PLCB2: variants seen among roughly 807,000 people sequenced by gnomAD.
PLCB2 encodes phospholipase C beta 2, also known as 1-phosphatidylinositol 4,5-bisphosphate phosphodiesterase beta-2.
A neutral mutation model predicts 141.7 loss-of-function variants in PLCB2; 115 were observed. The observed-to-expected ratio is 0.81, with a 90% CI of 0.70 to 0.95. PLCB2 has a LOEUF of 0.95. Ranked by LOEUF, PLCB2 falls within the 40% of genes least tolerant of loss-of-function variation. PLCB2 has a pLI of 0.00. For synonymous variants in PLCB2, 603 were observed against 595.6 expected (o/e 1.01, Z -0.18); for missense variants, 1,403 against 1,541.1 (o/e 0.91, Z 1.50).
intron 7 of PLCB2, 59 bp downstream of exon 7, chr15:40,301,898 G>A: frequency 6.7e-7 from 1 of 1,500,656 alleles, no homozygotes; most frequent in South Asian, 1.1e-5. Flanking sequence ...TCCTGGCCAA[G>A]TTGCTTTCTG....
chr15:40,295,166 G>T, intron 17 of PLCB2, 35 bp downstream of exon 17: 1 of 1,610,180 alleles, frequency 6.2e-7, no homozygotes, highest in South Asian at 1.1e-5. Flanking sequence ...CCCCACCCAA[G>T]CCAAGGACCC....
intron 8 of PLCB2, 28 bp from the exon 9 acceptor site, chr15:40,298,992 C>A: frequency 6.3e-7 from 1 of 1,598,136 alleles, no homozygotes; most frequent in Non-Finnish European, 8.5e-7. Flanking sequence ...GAGCACAGGT[C>A]CATATCCCTT....
chr15:40,297,922 G>A lies in PLCB2; in HGVS notation c.1193C>T (p.Thr398Ile), dbSNP rs1477860955. 3.1e-6 allele frequency: 5 copies of A among 1,613,686 alleles called. No individual in the cohort carries two copies. The South Asian group carries it at 5.5e-5, about 18-fold the overall frequency. ...IEAIAESAFKTSPYPIILSFE... is the reference protein window; with the variant it reads ...IEAIAESAFKISPYPIILSFE... ...CGACAGGATGATGGGATAGGGGGAG[G>A]TCTTAAAGGCGCTTTCTGCAATAGC... The change falls in exon 12 of 32, where the codon ACC becomes ATC. Residue 398 changes from threonine to isoleucine, a missense_variant. By Grantham distance (89) the Thr-to-Ile change is moderately conservative (BLOSUM62 -1). Around this residue, in one of 4 missense-constraint regions of PLCB2, gnomAD observed 975 missense variants for 1,141.1 expected, o/e 0.85. Transcript: ENST00000260402. This position sits in a 1 kb window ranked among gnomAD's most constrained non-coding sequence, Gnocchi z 4.2.
intron 4 of PLCB2, 48 bp downstream of exon 4, chr15:40,302,421 C>G (rs750929186): frequency 1.2e-6 from 2 of 1,613,046 alleles, no homozygotes; most frequent in Non-Finnish European, 1.7e-6. Flanking sequence ...TCAGGAAGTC[C>G]AGGCTATCCC....
At position 40,296,291 on chromosome 15, in the gene PLCB2, C is replaced by T. The variant is rs773360078; in HGVS notation, c.1696+5G>A. On this transcript the variant is annotated splice_donor_5th_base_variant and intron_variant, in intron 16 of 31. Coordinates refer to ENST00000260402, the MANE Select transcript of PLCB2 (RefSeq NM_004573.3). ...CCCACCCGTAAGTTACTCATGCTAA[C>T]TTACGGGCAGAGAACTCAAAGGAGA... is the stretch of plus-strand genomic sequence containing the variant. The T allele has an allele frequency of 1.2e-5, 19 of 1,610,670 alleles. No individual in the cohort carries two copies. The South Asian group carries it at 2.1e-4, about 18-fold the overall frequency.
At chr15:40,291,725 C>T (rs1256685137) in intron 24 of PLCB2, 75 bp from the exon 25 acceptor site, 1 of 1,603,416 alleles carries the variant, frequency 6.2e-7, no homozygotes, top group Non-Finnish European at 8.5e-7. Flanking sequence ...CCACACCGCC[C>T]CCTGGGAGTC....
chr15:40,289,411 G>A (rs2039730861), intron 30 of PLCB2, 53 bp from the exon 31 acceptor site: 1 of 1,336,684 alleles, frequency 7.5e-7, no homozygotes, highest in Non-Finnish European at 1.1e-6. Flanking sequence ...GGCAAGCTGG[G>A]TCAGAATCCA....
intron 26 of PLCB2, 25 bp from the exon 27 acceptor site, chr15:40,291,208 C>T (rs1321663617): frequency 1.3e-6 from 2 of 1,571,082 alleles, no homozygotes; most frequent in Non-Finnish European, 8.6e-7. Context: ...TGGGGACAGG[C>T]CCTGAGATCC....
rs767620462 is a variant in PLCB2, at chr15:40,292,051, A to T, written c.2526+13T>A. On this transcript the variant is annotated intron_variant, in intron 23 of 31. Transcript: ENST00000260402. ...TCTGGTGAGCCCCTGGCAGCAGTGC[A>T]GGCAACACAGACCTCAGGCAGACCT... 3 of 1,612,302 alleles carry T rather than the reference A, an allele frequency of 1.9e-6. No individual in the cohort carries two copies. In the East Asian group the frequency reaches 6.7e-5, roughly 36 times the overall value.
chr15:40,295,192 C>G lies in PLCB2; in HGVS notation c.1781+9G>C. 6.2e-7 allele frequency: 1 copy of G among 1,613,208 alleles called. No homozygotes were observed. Among genetic ancestry groups the G allele is most frequent in the Middle Eastern group, 1.6e-4 (1 of 6,062 alleles). On this transcript the variant is annotated intron_variant, in intron 17 of 31. Coordinates refer to ENST00000260402, the MANE Select transcript of PLCB2 (RefSeq NM_004573.3). ...CCAAGGACCCTGGCCACTGAAACCT[C>G]AAGGATACTCCACAAACTGCACCGA...
At chr15:40,290,900 C>T in intron 27 of PLCB2, 63 bp from the exon 28 acceptor site, 1 of 758,208 alleles carries the variant, frequency 1.3e-6, no homozygotes, top group Non-Finnish European at 2.0e-6. Flanking sequence ...GTACGGGGGG[C>T]GGGGGTCGGT....
chr15:40,292,099 C>T lies in PLCB2; in HGVS notation c.2491G>A (p.Val831Met). 6.2e-7 allele frequency: 1 copy of T among 1,614,242 alleles called. No individual in the cohort carries two copies. Among genetic ancestry groups the T allele is most frequent in the Non-Finnish European group, 8.5e-7 (1 of 1,180,038 alleles). The change falls in exon 23 of 32, where the codon GTG becomes ATG. Residue 831 changes from valine (V) to methionine (M), a missense_variant. Around this residue, in one of 4 missense-constraint regions of PLCB2, gnomAD observed 975 missense variants for 1,141.1 expected, o/e 0.85. Transcript: ENST00000260402. ...KFFSAHDTKS[V>M]KLKEAMGGLP... ...CCTCCCATGGCCTCCTTGAGCTTCA[C>T]AGACTTCGTGTCATGGGCACTGAAG...
At chr15:40,293,460 G>A (rs986584321) in intron 20 of PLCB2, 100 bp downstream of exon 20, 2 of 1,166,832 alleles carry the variant, frequency 1.7e-6, no homozygotes, top group Non-Finnish European at 2.5e-6. Flanking sequence ...GGGAAGAGGA[G>A]GAGGAGGAAG....
intron 1 of PLCB2, 56 bp from the exon 2 acceptor site, chr15:40,304,134 G>T: frequency 8.1e-7 from 1 of 1,228,440 alleles, no homozygotes; most frequent in Non-Finnish European, 1.2e-6. Flanking sequence ...AGCCTCCCTG[G>T]TCCAGGCCAG....
chr15:40,307,546 C>A, intron 1 of PLCB2, 43 bp downstream of exon 1: 1 of 1,318,166 alleles, frequency 7.6e-7, no homozygotes, highest in South Asian at 1.3e-5. Flanking sequence ...GCCCGGCCCC[C>A]ACCACCTGGT....
In PLCB2 at chr15:40,297,694, G is replaced by T; in HGVS notation, c.1239-89C>A. 1 of 1,148,844 alleles carries T rather than the reference G, an allele frequency of 8.7e-7. No individual in the cohort carries two copies. Among genetic ancestry groups the T allele is most frequent in the South Asian group, 1.3e-5 (1 of 75,242 alleles). The allele number at this position is 1,148,844 out of a possible 1,614,324, so 71.2% of individuals were successfully genotyped here. A position where few individuals can be genotyped will look rare whatever the true frequency, so the allele number is the denominator to read the frequency against. On this transcript the variant is annotated intron_variant, in intron 12 of 31. Coordinates refer to ENST00000260402, the MANE Select transcript of PLCB2 (RefSeq NM_004573.3). This position sits in a 1 kb window ranked among gnomAD's most constrained non-coding sequence, Gnocchi z 4.2. ...TTGTGCCCTTGATGACCCAGATCAGGGGCCAGGAGGTCAGGGAGGCTGGGA... is the reference window on the plus strand; with the variant it reads ...TTGTGCCCTTGATGACCCAGATCAGTGGCCAGGAGGTCAGGGAGGCTGGGA...
At chr15:40,304,106 T>A in intron 1 of PLCB2, 28 bp from the exon 2 acceptor site, 1 of 1,519,566 alleles carries the variant, frequency 6.6e-7, no homozygotes, top group Non-Finnish European at 9.0e-7. Flanking sequence ...CAGCACTCTG[T>A]TCCAAGACCT....
At position 40,297,680 on chromosome 15, in the gene PLCB2, A is replaced by G; in HGVS notation, c.1239-75T>C. The G allele has an allele frequency of 7.7e-7, 1 of 1,292,626 alleles. No individual in the cohort carries two copies. The highest frequency in any genetic ancestry group is 1.1e-6 in the Non-Finnish European group (1 of 899,282). 80.1% of individuals were successfully genotyped at this position (1,292,626 alleles called of 1,614,324 possible). Reference sequence around the variant, plus strand: ...TATTATGCATCCTTTTGTGCCCTTGATGACCCAGATCAGGGGCCAGGAGGT... The same window carrying G: ...TATTATGCATCCTTTTGTGCCCTTGGTGACCCAGATCAGGGGCCAGGAGGT... On this transcript the variant is annotated intron_variant, in intron 12 of 31. Coordinates refer to ENST00000260402, the MANE Select transcript of PLCB2 (RefSeq NM_004573.3). The surrounding 1 kb of genome is among the most constrained non-coding windows in gnomAD (Gnocchi z 4.2).
At chr15:40,285,468 G>A, downstream of PLCB2, 2 of 914,796 alleles carry the variant, frequency 2.2e-6, no homozygotes, top group Non-Finnish European at 2.6e-6. Flanking sequence ...GAGCTGCATA[G>A]TTATTTCATT....
Sources: allele counts gnomAD v4.1 joint callset, GRCh38; gene constraint gnomAD v4.1.1; regional missense constraint gnomAD v4.1.1; non-coding constraint Gnocchi (gnomAD v3.1); transcripts MANE v1.5; gene names NCBI Gene and HGNC (gene_info 2026-07-23, HGNC 2026-07-21).